The following PPM1E variants were observed in gnomAD, a reference collection of about 807,000 sequenced individuals.
The protein encoded by PPM1E is protein phosphatase, Mg2+/Mn2+ dependent 1E.
A neutral mutation model predicts 65.9 loss-of-function variants in PPM1E; 20 were observed. The ratio of observed to expected loss-of-function variants is 0.30; its 90% CI spans 0.21 to 0.44. The LOEUF (loss-of-function observed/expected upper bound fraction) is 0.44, where lower values mean the gene tolerates loss of function less well. PPM1E is among the 20% of genes least tolerant of loss of function. The probability of loss-of-function intolerance (pLI) is 1.00; values close to 1 mark genes in which losing one functional copy is unlikely to be tolerated. For synonymous variants in PPM1E, 352 were observed against 374.9 expected (o/e 0.94, Z 0.70); for missense variants, 713 against 953.1 (o/e 0.75, Z 3.32).
At chr17:58,924,331 T>G (rs1301911946) in intron 1 of PPM1E, among the ~76,000 whole-genome samples, 1 of 151,928 alleles carries the variant, frequency 6.6e-6, no homozygotes, top group African/African-American at 2.4e-5. Flanking sequence ...AAGGAAAAAT[T>G]AGGTATACCA....
At chr17:58,780,833 A>G (rs746487730) in intron 1 of PPM1E, among the ~76,000 whole-genome samples, 34 of 152,218 alleles carry the variant, frequency 2.2e-4, no homozygotes, top group Non-Finnish European at 7.4e-5. Context: ...ACTGTCTTCT[A>G]TGTTCCTCTA....
intron 1 of PPM1E, among the ~76,000 whole-genome samples, chr17:58,841,938 A>C (rs1176431291): frequency 6.6e-6 from 1 of 152,086 alleles, no homozygotes; most frequent in Non-Finnish European, 1.5e-5. Context: ...TGAACTCCTG[A>C]CCTCGTGATC....
Position 58,874,467 on chromosome 17 carries a change from G to T in PPM1E, c.465-81182G>T, listed in dbSNP as rs528322408. On this transcript the variant is annotated intron_variant, in intron 1 of 6. Coordinates refer to ENST00000308249, the MANE Select transcript of PPM1E (RefSeq NM_014906.5). ...AGAATATATTCATGTAGCTTTGAGAGATTTGAAGATTCTAATAGTTACAGA... is the reference window on the plus strand; with the variant it reads ...AGAATATATTCATGTAGCTTTGAGATATTTGAAGATTCTAATAGTTACAGA... Among the ~76,000 whole-genome samples the T allele has an allele frequency of 1.2e-3, 187 of 152,248 alleles. 1 individual carries two copies. Among genetic ancestry groups the T allele is most frequent in the African/African-American group, 4.3e-3 (179 of 41,544 alleles).
chr17:58,878,272 C>T (rs1394149586), intron 1 of PPM1E, among the ~76,000 whole-genome samples: 2 of 151,836 alleles, frequency 1.3e-5, no homozygotes, highest in Non-Finnish European at 1.5e-5. Flanking sequence ...GATGAAGTTT[C>T]GTTCTTGTTG....
At chr17:58,852,912 A>G (rs1027178499) in intron 1 of PPM1E, among the ~76,000 whole-genome samples, 4 of 152,012 alleles carry the variant, frequency 2.6e-5, no homozygotes, top group South Asian at 2.1e-4. Context: ...TACCATTTGT[A>G]TATCTTCTTT....
At chr17:58,777,742 C>G (rs2050007653) in intron 1 of PPM1E, among the ~76,000 whole-genome samples, 1 of 152,130 alleles carries the variant, frequency 6.6e-6, no homozygotes, top group Non-Finnish European at 1.5e-5. Context: ...GAATTTAATT[C>G]AATTTAGTCT....
chr17:58,813,434 A>G (rs1217671530), intron 1 of PPM1E, among the ~76,000 whole-genome samples: 1 of 152,146 alleles, frequency 6.6e-6, no homozygotes. Flanking sequence ...GTCGTGCTGG[A>G]TCATTTGCTT....
intron 1 of PPM1E, among the ~76,000 whole-genome samples, chr17:58,873,282 T>C (rs1050048404): frequency 6.6e-5 from 10 of 152,204 alleles, no homozygotes; most frequent in African/African-American, 2.4e-4. Context: ...TATTGCACTA[T>C]TTAGTTCTGT....
intron 1 of PPM1E, among the ~76,000 whole-genome samples, chr17:58,785,081 C>G (rs916233217): frequency 6.6e-6 from 1 of 151,880 alleles, no homozygotes; most frequent in Non-Finnish European, 1.5e-5. Context: ...ACTATGTGTT[C>G]TCTTAAGAGT....
intron 1 of PPM1E, among the ~76,000 whole-genome samples, chr17:58,783,760 T>A (rs1185817726): frequency 6.6e-6 from 1 of 152,094 alleles, no homozygotes; most frequent in East Asian, 1.9e-4. Flanking sequence ...CAGGCTGGAG[T>A]GCAATGGCGT....
intron 1 of PPM1E, among the ~76,000 whole-genome samples, chr17:58,881,346 T>C (rs1483386401): frequency 6.6e-6 from 1 of 152,046 alleles, no homozygotes; most frequent in Admixed American, 6.6e-5. Context: ...CCAGGCAACA[T>C]GGCAAAATCT....
chr17:58,840,311 C>A (rs573772552), intron 1 of PPM1E, among the ~76,000 whole-genome samples: 1 of 152,256 alleles, frequency 6.6e-6, no homozygotes, highest in Admixed American at 6.5e-5. Flanking sequence ...GTTACAGATA[C>A]CACATGGCTC....
chr17:58,931,317 C>T (rs1379977980), intron 1 of PPM1E, among the ~76,000 whole-genome samples: 2 of 146,660 alleles, frequency 1.4e-5, no homozygotes, highest in Non-Finnish European at 1.5e-5. Context: ...ACCCGGGAGG[C>T]GGAGGTTGCG....
intron 1 of PPM1E, among the ~76,000 whole-genome samples, chr17:58,787,633 G>T (rs1251337086): frequency 6.6e-6 from 1 of 152,056 alleles, no homozygotes; most frequent in East Asian, 1.9e-4. Flanking sequence ...ATGGGGCCAG[G>T]CACGGTGGCT....
chr17:58,912,152 G>T (rs144945796), intron 1 of PPM1E, among the ~76,000 whole-genome samples: 2 of 152,252 alleles, frequency 1.3e-5, no homozygotes, highest in East Asian at 3.9e-4. Context: ...GGGTAGGAGT[G>T]GTCCCGCTGC....
chr17:58,983,324 C>T lies in PPM1E; in HGVS notation c.*2293C>T, dbSNP rs2031492852. On this transcript the variant is annotated 3_prime_UTR_variant, in exon 7 of 7. Transcript: ENST00000308249. ...GCGTATTTATAGAGTAGTTAGGTAC[C>T]ATTTGTAAGGTAAATCCTTTAAAAT... 6.2e-6 allele frequency: 1 copy of T among 160,478 alleles called. No individual in the cohort carries two copies. The highest frequency in any genetic ancestry group is 2.4e-5 in the African/African-American group (1 of 41,598). 9.9% of individuals were successfully genotyped at this position (160,478 alleles called of 1,614,324 possible).
chr17:58,813,871 A>G (rs1276599212), intron 1 of PPM1E, among the ~76,000 whole-genome samples: 2 of 152,184 alleles, frequency 1.3e-5, no homozygotes, highest in Admixed American at 6.6e-5. Flanking sequence ...AGATTGGAAC[A>G]CAGAGCAGCA....
intron 1 of PPM1E, among the ~76,000 whole-genome samples, chr17:58,839,095 G>A (rs1405863736): frequency 1.3e-5 from 2 of 152,072 alleles, no homozygotes; most frequent in African/African-American, 4.8e-5. Flanking sequence ...CTGTAATGGT[G>A]GGTACATGAC....
intron 1 of PPM1E, among the ~76,000 whole-genome samples, chr17:58,824,773 AT>A (rs35598764): frequency 0.47 from 62,227 of 132,342 alleles, 14,564 homozygotes; most frequent in Non-Finnish European, 0.57. Context: ...TATTTTTTGT[AT>A]TTTTTTTTTT....
Sources: allele counts gnomAD v4.1 joint callset (sites outside exome capture counted in the v4.1 genomes callset), GRCh38; gene constraint gnomAD v4.1.1; transcripts MANE v1.5; gene names NCBI Gene and HGNC (gene_info 2026-07-23, HGNC 2026-07-21).